Variants in RNF17 observed in about 807,000 individuals in gnomAD.
The protein encoded by RNF17 is ring finger protein 17, also known as spermatogenesis associated 23.
Under a neutral mutation model 200.5 loss-of-function variants are expected in RNF17, and 31 were observed. That is an observed-to-expected ratio of 0.15 (90% CI 0.12 to 0.21). The LOEUF (loss-of-function observed/expected upper bound fraction) is 0.21. Among genes scored for constraint, RNF17 ranks in the 10% least tolerant of loss-of-function variants. RNF17 has a pLI of 1.00. For synonymous variants in RNF17, 606 were observed against 637.8 expected, an observed-to-expected ratio of 0.95 and a Z score of 0.75; for missense variants, 1,628 against 1,905.1, an observed-to-expected ratio of 0.85 and a Z score of 2.71.
At position 24,854,097 on chromosome 13, in the gene RNF17, G is replaced by A; in HGVS notation, c.3563G>A (p.Ser1188Asn). 1 of 1,613,974 alleles carries A rather than the reference G, an allele frequency of 6.2e-7. No homozygotes were observed. The highest frequency in any genetic ancestry group is 1.1e-5 in the South Asian group (1 of 91,050). Residue 1188 changes from serine to asparagine, a missense_variant, in exon 25 of 36, where the codon AGC becomes AAC. Coordinates refer to ENST00000255324, the MANE Select transcript of RNF17 (RefSeq NM_031277.3). ...PNMNVFEATV[S>N]CVGDDGTIFV... is the part of the protein sequence containing the mutation. ...ATGAACGTATTTGAGGCAACAGTCA[G>A]CTGTGTTGGTGATGATGGAACTATA...
At chr13:24,792,229 T>A (rs1294262020) in intron 9 of RNF17, among the ~76,000 whole-genome samples, 2 of 152,220 alleles carry the variant, frequency 1.3e-5, no homozygotes, top group Non-Finnish European at 2.9e-5. Flanking sequence ...ACTTTAAATT[T>A]AACTCTGAGA....
chr13:24,827,734 A>AAAAAAAAAAG (rs1888899054), intron 16 of RNF17, among the ~76,000 whole-genome samples: 1 of 144,456 alleles, frequency 6.9e-6, no homozygotes, highest in Non-Finnish European at 1.5e-5. Context: ...AAAAAAAACA[A>AAAAAAAAAAG]TAGAAATTTA....
Position 24,781,836 on chromosome 13 carries a change from T to G in RNF17, c.511-8T>G. On this transcript the variant is annotated splice_region_variant and splice_polypyrimidine_tract_variant and intron_variant, in intron 5 of 35. Transcript: ENST00000255324. ...ATTAAGTTTTTGTCTTGTTTTTTTT[T>G]TTTCCAGGCACTTGAACACATGCAG... 6.4e-7 allele frequency: 1 copy of G among 1,559,988 alleles called. No homozygotes were observed. The highest frequency in any genetic ancestry group is 8.6e-7 in the Non-Finnish European group (1 of 1,158,124).
chr13:24,752,457 G>A, the RNF17 span, among the ~76,000 whole-genome samples: 168 of 152,332 alleles, frequency 1.1e-3, 2 homozygotes, highest in African/African-American at 3.9e-3. Context: ...AGGACATTAG[G>A]TCCAAGAAAA....
chr13:24,813,656 G>GAAA (rs2054921245), intron 15 of RNF17, among the ~76,000 whole-genome samples: 1 of 151,844 alleles, frequency 6.6e-6, no homozygotes, highest in African/African-American at 2.4e-5. Context: ...CTTGAGACAA[G>GAAA]GTCCAGCACT....
At chr13:24,766,682 G>C (rs1174790852) in intron 1 of RNF17, among the ~76,000 whole-genome samples, 1 of 152,210 alleles carries the variant, frequency 6.6e-6, no homozygotes, top group African/African-American at 2.4e-5. Context: ...AGCTAGATAG[G>C]AGTCTGGATT....
intron 2 of RNF17, 113 bp downstream of exon 2, chr13:24,767,479 G>T: frequency 1.5e-6 from 1 of 683,342 alleles, no homozygotes; most frequent in African/African-American, 1.8e-5. Flanking sequence ...GCCGGGCGTG[G>T]TGGCTGACGC....
intron 19 of RNF17, among the ~76,000 whole-genome samples, chr13:24,843,208 G>A (rs1053260673): frequency 1.2e-4 from 19 of 152,242 alleles, no homozygotes; most frequent in Admixed American, 5.9e-4. Context: ...AAAGAAATGA[G>A]AATAAACATT....
rs116687783 is a variant in RNF17 at position 24,829,600 on chromosome 13, A to G, written c.2246-884A>G. On this transcript the variant is annotated intron_variant, in intron 16 of 35. Transcript: ENST00000255324. ...GCCTATGTTTGAAGTGTCATCTTGA[A>G]TGAGTGCTAGTGCTGTGCCACTTGC... is the stretch of plus-strand genomic sequence containing the variant. Among the ~76,000 whole-genome samples the G allele has an allele frequency of 7.5e-3, 1,143 of 152,318 alleles. 15 individuals carry two copies. Among genetic ancestry groups the G allele is most frequent in the African/African-American group, 0.025 (1,055 of 41,578 alleles).
At position 24,781,930 on chromosome 13, in the gene RNF17, T is replaced by A; in HGVS notation, c.597T>A (p.Ala199=). ...VVEKQFDQLL[A]FFDSRKKNLC... ...AGAAACAGTTTGACCAACTTTTGGCTTTTTTTGATTCCAGGTTAGTAACTT... is the reference window on the plus strand; with the variant it reads ...AGAAACAGTTTGACCAACTTTTGGCATTTTTTGATTCCAGGTTAGTAACTT... Residue 199 remains alanine (A), a synonymous_variant, in exon 6 of 36, where the codon GCT becomes GCA. Transcript: ENST00000255324. 1 of 1,601,532 alleles carries A rather than the reference T, an allele frequency of 6.2e-7. No individual in the cohort carries two copies. The highest frequency in any genetic ancestry group is 1.1e-5 in the South Asian group (1 of 89,788).
intron 22 of RNF17, among the ~76,000 whole-genome samples, chr13:24,846,354 C>A (rs1021293017): frequency 1.3e-5 from 2 of 152,136 alleles, no homozygotes; most frequent in African/African-American, 4.8e-5. Context: ...ATTTGAGTTT[C>A]TTTTATTGGC....
intron 18 of RNF17, among the ~76,000 whole-genome samples, chr13:24,841,010 G>A (rs1890577650): frequency 6.6e-6 from 1 of 152,176 alleles, no homozygotes; most frequent in Admixed American, 6.6e-5. Flanking sequence ...GCAGCTACCG[G>A]CTGGAAAGGT....
At chr13:24,872,871 T>TCTAATA (rs752638202) in intron 32 of RNF17, among the ~76,000 whole-genome samples, 18,715 of 151,832 alleles carry the variant, frequency 0.12, 1,272 homozygotes, top group Admixed American at 0.15. Context: ...AAACTTTAGA[T>TCTAATA]GAAGGGGGAC....
chr13:24,750,245 ATTTC>A, the RNF17 span, among the ~76,000 whole-genome samples: 2 of 152,268 alleles, frequency 1.3e-5, no homozygotes, highest in South Asian at 4.1e-4. Flanking sequence ...CCTGTCAGAG[ATTTC>A]TTTAACATTC....
At chr13:24,806,946 G>A (rs950515491) in intron 15 of RNF17, among the ~76,000 whole-genome samples, 3 of 151,790 alleles carry the variant, frequency 2.0e-5, no homozygotes, top group South Asian at 4.2e-4. Context: ...ATGATTTCCA[G>A]TTTCATCCAT....
intron 15 of RNF17, among the ~76,000 whole-genome samples, 159 bp from the exon 16 acceptor site, chr13:24,825,460 A>G (rs892128187): frequency 1.3e-5 from 2 of 152,198 alleles, no homozygotes; most frequent in Non-Finnish European, 2.9e-5. Context: ...TGGTTCTGCA[A>G]TAAAATTTTG....
At chr13:24,841,972 A>T in intron 18 of RNF17, 69 bp from the exon 19 acceptor site, 1 of 1,449,316 alleles carries the variant, frequency 6.9e-7, no homozygotes, top group Admixed American at 2.0e-5. Flanking sequence ...TCTCCAAAAA[A>T]AAAAATTGCC....
downstream of RNF17, chr13:24,883,343 T>C (rs1201839113): frequency 3.7e-6 from 6 of 1,613,150 alleles, no homozygotes; most frequent in South Asian, 3.3e-5. Flanking sequence ...TTGGCCATTA[T>C]TAAACTCTAT....
chr13:24,843,877 C>T lies in RNF17; in HGVS notation c.2737C>T (p.Leu913Phe), dbSNP rs750120281. The T allele has an allele frequency of 8.1e-6, 13 of 1,603,104 alleles. No homozygotes were observed. The highest frequency in any genetic ancestry group is 4.3e-6 in the Non-Finnish European group (5 of 1,171,296). ...KSLPNENFQS[L>F]YNKELPVHIC... ...TCTACCTAATGAGAATTTTCAGTCACTTTATAATAAGGAATTGCCTGTGCA... is the reference window on the plus strand; with the variant it reads ...TCTACCTAATGAGAATTTTCAGTCATTTTATAATAAGGAATTGCCTGTGCA... The change falls in exon 20 of 36, where the codon CTT becomes TTT. Residue 913 changes from leucine to phenylalanine, a missense_variant. Coordinates refer to ENST00000255324, the MANE Select transcript of RNF17 (RefSeq NM_031277.3).
Sources: allele counts gnomAD v4.1 joint callset (sites outside exome capture counted in the v4.1 genomes callset), GRCh38; gene constraint gnomAD v4.1.1; transcripts MANE v1.5; gene names NCBI Gene and HGNC (gene_info 2026-07-23, HGNC 2026-07-21).